Variants in RHOH observed in about 807,000 individuals in gnomAD.
The protein encoded by RHOH is rho-related GTP-binding protein RhoH.
RHOH carries 6 observed loss-of-function variants against 13.8 expected under a neutral mutation model. The ratio of observed to expected loss-of-function variants is 0.44; its 90% CI spans 0.24 to 0.86. The LOEUF is 0.86. RHOH is among the 40% of genes least tolerant of loss of function. The probability of loss-of-function intolerance (pLI) is 0.24; values close to 1 mark genes in which losing one functional copy is unlikely to be tolerated. For synonymous variants in RHOH, 117 were observed against 103.0 expected, an observed-to-expected ratio of 1.14 and a Z score of -0.82; for missense variants, 147 against 244.5, an observed-to-expected ratio of 0.60 and a Z score of 2.66.
At chr4:40,203,267 C>T (rs139454932) in intron 1 of RHOH, among the ~76,000 whole-genome samples, 1,641 of 152,324 alleles carry the variant, frequency 0.011, 35 homozygotes, top group African/African-American at 0.037. Context: ...CCACCGCGCC[C>T]GGCCAGTTCT....
chr4:40,201,278 T>G (rs1433829777), intron 1 of RHOH, among the ~76,000 whole-genome samples: 1 of 152,040 alleles, frequency 6.6e-6, no homozygotes, highest in African/African-American at 2.4e-5. Flanking sequence ...TGCATTAGGT[T>G]TTATTCATTA....
intron 1 of RHOH, among the ~76,000 whole-genome samples, chr4:40,209,982 C>G (rs1053825859): frequency 6.6e-6 from 1 of 152,066 alleles, no homozygotes; most frequent in East Asian, 1.9e-4. Flanking sequence ...GTTGGAATAT[C>G]ATATAACTCT....
chr4:40,232,114 GT>G (rs1420741663), intron 1 of RHOH, among the ~76,000 whole-genome samples: 2 of 152,196 alleles, frequency 1.3e-5, no homozygotes, highest in Non-Finnish European at 2.9e-5. Flanking sequence ...TAGACTGTAA[GT>G]TTTTTTGAAG....
upstream of RHOH, among the ~76,000 whole-genome samples, chr4:40,195,405 CCTTCCTT>C (rs879542309): frequency 0.019 from 2,792 of 143,386 alleles, 41 homozygotes; most frequent in Middle Eastern, 0.043. Flanking sequence ...TTCCTTCCTT[CCTTCCTT>C]CCTTCCCTCC....
At chr4:40,193,018 C>G (rs912572186), upstream of RHOH, 13 of 152,480 alleles carry the variant, frequency 8.5e-5, no homozygotes, top group African/African-American at 3.1e-4. Context: ...GAGAATCAAT[C>G]TATTTATTGG....
intron 1 of RHOH, among the ~76,000 whole-genome samples, 189 bp downstream of exon 1, chr4:40,197,489 A>C (rs535239676): frequency 6.6e-6 from 1 of 152,246 alleles, no homozygotes; most frequent in African/African-American, 2.4e-5. Context: ...GCCCCTCACC[A>C]CAGTCCTAAC....
chr4:40,243,500 C>A lies in RHOH; in HGVS notation c.114C>A (p.Tyr38Ter). ...TFPEAYKPTV[Y>*]ENTGVDVFMD... Reference sequence around the variant, plus strand: ...CGGAGGCCTACAAGCCCACAGTGTACGAGAACACAGGGGTGGACGTCTTCA... The same window carrying A: ...CGGAGGCCTACAAGCCCACAGTGTAAGAGAACACAGGGGTGGACGTCTTCA... The change falls in exon 3 of 3, where the codon TAC (tyrosine) becomes TAA (stop). Residue 38 changes from tyrosine (Y) to a stop codon, truncating the protein, a stop_gained. Transcript: ENST00000381799. LOFTEE classifies it high-confidence loss of function. The surrounding 1 kb of genome is among the most constrained non-coding windows in gnomAD (Gnocchi z 6.2). The A allele has an allele frequency of 6.2e-7, 1 of 1,613,888 alleles. No homozygotes were observed. Among genetic ancestry groups the A allele is most frequent in the East Asian group, 2.2e-5 (1 of 44,846 alleles).
At chr4:40,239,146 C>A (rs996944972) in intron 1 of RHOH, among the ~76,000 whole-genome samples, 1 of 152,180 alleles carries the variant, frequency 6.6e-6, no homozygotes. Flanking sequence ...GGTTTGTTTT[C>A]GTATTCACTG....
At chr4:40,233,377 G>A (rs1460365863) in intron 1 of RHOH, among the ~76,000 whole-genome samples, 1 of 125,254 alleles carries the variant, frequency 8.0e-6, no homozygotes, top group Non-Finnish European at 1.7e-5. Context: ...AGGCAGTATG[G>A]TTCCAGAGTC....
intron 1 of RHOH, among the ~76,000 whole-genome samples, chr4:40,237,599 T>C (rs754341068): frequency 1.3e-5 from 2 of 152,190 alleles, no homozygotes; most frequent in African/African-American, 2.4e-5. Context: ...TGGCTAGAGA[T>C]GGGTTGCTGA....
At chr4:40,217,861 T>A (rs999892684) in intron 1 of RHOH, among the ~76,000 whole-genome samples, 1 of 152,214 alleles carries the variant, frequency 6.6e-6, no homozygotes, top group African/African-American at 2.4e-5. Context: ...AATAGCTGTG[T>A]GTGCTACTCG....
intron 1 of RHOH, among the ~76,000 whole-genome samples, chr4:40,202,281 T>C (rs1724113650): frequency 6.6e-6 from 1 of 152,140 alleles, no homozygotes; most frequent in Non-Finnish European, 1.5e-5. Context: ...ATCATAGTTA[T>C]GATGGTTATG....
At chr4:40,237,654 G>A (rs935064472) in intron 1 of RHOH, among the ~76,000 whole-genome samples, 1 of 152,164 alleles carries the variant, frequency 6.6e-6, no homozygotes, top group African/African-American at 2.4e-5. Context: ...TAGATTCATG[G>A]TGGAATCAAT....
At chr4:40,231,012 T>C (rs760859162) in intron 1 of RHOH, among the ~76,000 whole-genome samples, 13 of 152,182 alleles carry the variant, frequency 8.5e-5, no homozygotes, top group Non-Finnish European at 1.9e-4. Flanking sequence ...TCTTCAAAAC[T>C]GCGCAAATAG....
chr4:40,226,552 GA>G (rs1458086064), intron 1 of RHOH, among the ~76,000 whole-genome samples: 60 of 148,054 alleles, frequency 4.1e-4, no homozygotes, highest in African/African-American at 1.4e-3. Context: ...AAAAGAAAAA[GA>G]AAAAAATATC....
intron 1 of RHOH, among the ~76,000 whole-genome samples, chr4:40,230,547 C>A (rs1234506199): frequency 2.0e-5 from 3 of 149,354 alleles, no homozygotes; most frequent in Non-Finnish European, 1.5e-5. Flanking sequence ...CATGTTGCGG[C>A]TAGTTCAAGA....
intron 1 of RHOH, among the ~76,000 whole-genome samples, chr4:40,202,223 A>T (rs1479607688): frequency 2.6e-5 from 4 of 152,148 alleles, no homozygotes. Context: ...CTAGGATTAC[A>T]GGCACGTCAC....
At position 40,243,647 on chromosome 4, in the gene RHOH, C is replaced by T; in HGVS notation, c.261C>T (p.Asn87=). 6.2e-7 allele frequency: 1 copy of T among 1,614,174 alleles called. No homozygotes were observed. Among genetic ancestry groups the T allele is most frequent in the South Asian group, 1.1e-5 (1 of 91,084 alleles). ...TGCTGATGTGCTACTCTGTGGCCAACCATAACTCATTCCTGAACTTGAAGA... is the reference window on the plus strand; with the variant it reads ...TGCTGATGTGCTACTCTGTGGCCAATCATAACTCATTCCTGAACTTGAAGA... The part of the protein sequence containing the change: ...DVVLMCYSVA[N]HNSFLNLKNK... Residue 87 remains asparagine (N), a synonymous_variant, in exon 3 of 3, where the codon AAC becomes AAT. Coordinates refer to ENST00000381799, the MANE Select transcript of RHOH (RefSeq NM_004310.5). The surrounding 1 kb of genome is among the most constrained non-coding windows in gnomAD (Gnocchi z 6.2).
chr4:40,235,704 T>C (rs751901561), intron 1 of RHOH, among the ~76,000 whole-genome samples: 28 of 150,464 alleles, frequency 1.9e-4, no homozygotes, highest in Non-Finnish European at 3.1e-4. Flanking sequence ...CCTAGGGCAG[T>C]AGCTCATGCC....
Sources: gnomAD v4.1 joint callset for allele counts (sites outside exome capture counted in the v4.1 genomes callset) on GRCh38, gnomAD v4.1.1 for gene constraint, Gnocchi (gnomAD v3.1) non-coding constraint, MANE v1.5 for transcripts, NCBI Gene and HGNC (gene_info 2026-07-23, HGNC 2026-07-21) for gene names.